The following PSMD8 variants were observed in gnomAD, a reference collection of about 807,000 sequenced individuals.
PSMD8 encodes the protein proteasome 26S subunit, non-ATPase 8.
PSMD8 carries 30 observed loss-of-function variants against 40.0 expected under a neutral mutation model. That is an observed-to-expected ratio of 0.75 (90% CI 0.56 to 1.02). The LOEUF (loss-of-function observed/expected upper bound fraction) is 1.02, where lower values mean the gene tolerates loss of function less well. Among genes scored for constraint, PSMD8 ranks in the 50% least tolerant of loss-of-function variants. The pLI is 0.00. For missense variants in PSMD8, 461 were observed against 463.9 expected, an observed-to-expected ratio of 0.99 and a Z score of 0.06; for synonymous variants, 208 against 192.5, an observed-to-expected ratio of 1.08 and a Z score of -0.67.
chr19:38,375,148 CGA>C (rs1275022661), intron 1 of PSMD8, 187 bp downstream of exon 1: 1 of 992,582 alleles, frequency 1.0e-6, no homozygotes, highest in African/African-American at 1.7e-5. Flanking sequence ...CGTCAAGAAG[CGA>C]GAGAGGGACA....
At chr19:38,377,500 C>CTT (rs59462018) in intron 3 of PSMD8, among the ~76,000 whole-genome samples, 24 of 142,206 alleles carry the variant, frequency 1.7e-4, no homozygotes, top group Admixed American at 4.9e-4. Context: ...ACTCCAATAA[C>CTT]TTTTTTTTTT....
chr19:38,381,672 C>T (rs1970641443), intron 5 of PSMD8, among the ~76,000 whole-genome samples: 1 of 152,168 alleles, frequency 6.6e-6, no homozygotes, highest in Non-Finnish European at 1.5e-5. Flanking sequence ...CAGAGCTTAC[C>T]CCCTCCCTCA....
At chr19:38,380,707 A>AGAGAGAGAGAGT (rs1555743507) in intron 4 of PSMD8, among the ~76,000 whole-genome samples, 192 bp from the exon 5 acceptor site, 1 of 120,884 alleles carries the variant, frequency 8.3e-6, no homozygotes, top group African/African-American at 3.5e-5. Flanking sequence ...AGAGAGAGAG[A>AGAGAGAGAGAGT]GTGTGTGTGT....
chr19:38,382,677 T>TGGGAGGATCGCCTGAGGTC, intron 6 of PSMD8: 1 of 243,330 alleles, frequency 4.1e-6, no homozygotes, highest in Non-Finnish European at 7.9e-6. Flanking sequence ...GAGGCTGAGG[T>TGGGAGGATCGCCTGAGGTC]GGGAGGATCG....
In PSMD8 at chr19:38,374,839, C is replaced by A; in HGVS notation, c.238C>A (p.Pro80Thr). Reference sequence around the variant, plus strand: ...GGCGGCAGGCTTCTCGAGCTCCGGGCCCGCGGCAACCTCGGGCGCTGTTCT... The same window carrying A: ...GGCGGCAGGCTTCTCGAGCTCCGGGACCGCGGCAACCTCGGGCGCTGTTCT... ...NGAAGFSSSG[P>T]AATSGAVLQA... The change falls in exon 1 of 7, where the codon CCC (proline) becomes ACC (threonine). Residue 80 changes from proline to threonine, a missense_variant. Transcript: ENST00000215071. 6.4e-7 allele frequency: 1 copy of A among 1,574,732 alleles called. No individual in the cohort carries two copies. The highest frequency in any genetic ancestry group is 1.1e-5 in the South Asian group (1 of 87,564).
chr19:38,382,627 C>T (rs942064618), intron 6 of PSMD8: 7 of 363,826 alleles, frequency 1.9e-5, no homozygotes, highest in Non-Finnish European at 2.5e-5. Context: ...CAGTGGCTCC[C>T]GCGCACCAAG....
chr19:38,382,087 A>T, intron 5 of PSMD8, 30 bp from the exon 6 acceptor site: 2 of 1,509,514 alleles, frequency 1.3e-6, no homozygotes, highest in East Asian at 4.9e-5. Flanking sequence ...GTTGATGCTC[A>T]GTAATGAGGA....
chr19:38,382,287 T>C, intron 6 of PSMD8, 59 bp downstream of exon 6: 1 of 1,368,868 alleles, frequency 7.3e-7, no homozygotes, highest in Non-Finnish European at 1.0e-6. Flanking sequence ...CTAACAACAG[T>C]GTGGGGTGGC....
intron 4 of PSMD8, among the ~76,000 whole-genome samples, chr19:38,379,788 A>G (rs1394743793): frequency 6.6e-6 from 1 of 152,208 alleles, no homozygotes; most frequent in Non-Finnish European, 1.5e-5. Flanking sequence ...CTCACCTAAA[A>G]GGTGAAATTG....
intron 3 of PSMD8, 52 bp downstream of exon 3, chr19:38,376,506 T>A: frequency 7.0e-7 from 1 of 1,428,160 alleles, no homozygotes; most frequent in South Asian, 1.2e-5. Flanking sequence ...GGAAGCTCCT[T>A]TATTTCTGGA....
chr19:38,379,655 A>G (rs1049808955), intron 4 of PSMD8, among the ~76,000 whole-genome samples: 2 of 152,196 alleles, frequency 1.3e-5, no homozygotes, highest in African/African-American at 4.8e-5. Flanking sequence ...GTGGAAGCAG[A>G]TAGTAAGCCC....
At chr19:38,383,211 TTG>T in intron 6 of PSMD8, 40 bp from the exon 7 acceptor site, 1 of 1,611,148 alleles carries the variant, frequency 6.2e-7, no homozygotes, top group African/African-American at 1.3e-5. Flanking sequence ...GATGGAGCCT[TTG>T]TGATCACTCT....
chr19:38,376,562 G>C (rs950638757), intron 3 of PSMD8, 108 bp downstream of exon 3: 1 of 1,000,656 alleles, frequency 1.0e-6, no homozygotes, highest in Non-Finnish European at 1.5e-6. Context: ...AACTCCTCCT[G>C]GCTTAGTTCT....
chr19:38,379,146 C>G (rs1004212875), intron 3 of PSMD8, 94 bp from the exon 4 acceptor site: 9 of 1,284,784 alleles, frequency 7.0e-6, no homozygotes, highest in Non-Finnish European at 9.7e-6. Flanking sequence ...CAGGAAGATG[C>G]ATGGGGCGTT....
At position 38,376,141 on chromosome 19, in the gene PSMD8, TCCCTC is replaced by T; in HGVS notation, c.361-10_361-6del. The stretch of plus-strand genomic sequence containing the variant: ...GAATTCCCTTCTTTTCTTTCTTCCC[TCCCTC>T]CCCTCCCCATCAGCTAGTTCTTCTG... On this transcript the variant is annotated splice_polypyrimidine_tract_variant and intron_variant, in intron 1 of 6. Coordinates refer to ENST00000215071, the MANE Select transcript of PSMD8 (RefSeq NM_002812.5). The T allele has an allele frequency of 5.2e-6, 7 of 1,355,558 alleles. No individual in the cohort carries two copies. The highest frequency in any genetic ancestry group is 7.3e-6 in the Non-Finnish European group (7 of 952,418). 84.0% of individuals were successfully genotyped at this position (1,355,558 alleles called of 1,614,324 possible). A position where few individuals can be genotyped will look rare whatever the true frequency, so the allele number is the denominator to read the frequency against.
chr19:38,375,291 A>C, intron 1 of PSMD8: 1 of 292,426 alleles, frequency 3.4e-6, no homozygotes, highest in Non-Finnish European at 6.6e-6. Flanking sequence ...TTTTTTTTTT[A>C]AGTGAGAGAT....
At position 38,374,879 on chromosome 19, in the gene PSMD8, G is replaced by A; in HGVS notation, c.278G>A (p.Gly93Asp). Residue 93 changes from glycine (G) to aspartate (D), a missense_variant, in exon 1 of 7, where the codon GGC becomes GAC. By Grantham distance (94) the Gly-to-Asp change is moderately conservative. This residue lies in a region of PSMD8 where 225 missense variants were observed against 142.7 expected (regional missense o/e 1.58). Coordinates refer to ENST00000215071, the MANE Select transcript of PSMD8 (RefSeq NM_002812.5). ...GGCGCTGTTCTGCAGGCCGCGACCG[G>A]CATGTACGAGCAACTCAAGGGCGAG... ...TSGAVLQAAT[G>D]MYEQLKGEWN... 1.3e-6 allele frequency: 2 copies of A among 1,586,836 alleles called. No homozygotes were observed. Among genetic ancestry groups the A allele is most frequent in the African/African-American group, 1.3e-5 (1 of 74,744 alleles).
chr19:38,376,181 T>C lies in PSMD8; in HGVS notation c.382T>C (p.Phe128Leu). 1 of 1,602,488 alleles carries C rather than the reference T, an allele frequency of 6.2e-7. No homozygotes were observed. The highest frequency in any genetic ancestry group is 8.5e-7 in the Non-Finnish European group (1 of 1,172,306). Reference protein sequence around the residue: ...RLKLVLLELNFLPTTGTKLTK... With the variant: ...RLKLVLLELNLLPTTGTKLTK... ...TCAGCTAGTTCTTCTGGAGCTCAACTTCTTGCCAACCACAGGGACCAAGCT... is the reference window on the plus strand; with the variant it reads ...TCAGCTAGTTCTTCTGGAGCTCAACCTCTTGCCAACCACAGGGACCAAGCT... Residue 128 changes from phenylalanine (F) to leucine (L), a missense_variant, in exon 2 of 7, where the codon TTC (phenylalanine) becomes CTC (leucine). Phe to Leu is a conservative substitution (Grantham distance 22). Transcript: ENST00000215071.
At chr19:38,382,379 C>T (rs1970648301) in intron 6 of PSMD8, 151 bp downstream of exon 6, 1 of 676,434 alleles carries the variant, frequency 1.5e-6, no homozygotes, top group African/African-American at 1.8e-5. Context: ...TCTCTGACAT[C>T]AGTTTCTCTA....
Sources: allele counts gnomAD v4.1 joint callset (sites outside exome capture counted in the v4.1 genomes callset), GRCh38; gene constraint gnomAD v4.1.1; regional missense constraint gnomAD v4.1.1; transcripts MANE v1.5; gene names NCBI Gene and HGNC (gene_info 2026-07-23, HGNC 2026-07-21).